Variants in MKRN1 observed in about 807,000 individuals in gnomAD.
MKRN1 encodes the protein E3 ubiquitin-protein ligase makorin-1.
MKRN1 carries 9 observed loss-of-function variants against 55.5 expected under a neutral mutation model. That is an observed-to-expected ratio of 0.16 (90% CI 0.10 to 0.28). The LOEUF is 0.28. MKRN1 is among the 10% of genes least tolerant of loss of function. The probability of loss-of-function intolerance (pLI) is 1.00; values close to 1 mark genes in which losing one functional copy is unlikely to be tolerated. For synonymous variants in MKRN1, 253 were observed against 235.9 expected, an observed-to-expected ratio of 1.07 and a Z score of -0.66; for missense variants, 488 against 626.7, an observed-to-expected ratio of 0.78 and a Z score of 2.36.
rs752963204 is a variant in MKRN1 at position 140,471,893 on chromosome 7, C to T, written c.304G>A (p.Asp102Asn). 3.1e-6 allele frequency: 5 copies of T among 1,612,494 alleles called. No homozygotes were observed. In the South Asian group the frequency reaches 5.5e-5, roughly 18 times the overall value. Residue 102 changes from aspartate to asparagine, a missense_variant, in exon 2 of 8, where the codon GAC (aspartate) becomes AAC (asparagine). By Grantham distance (23) the Asp-to-Asn change is conservative (BLOSUM62 1). Around this residue, in one of 2 missense-constraint regions of MKRN1, gnomAD observed 210 missense variants for 220.0 expected, o/e 0.95. Coordinates refer to ENST00000255977, the MANE Select transcript of MKRN1 (RefSeq NM_013446.4). The stretch of plus-strand genomic sequence containing the variant: ...TAAACAAATTCTTACCTGCAGCGGT[C>T]TCCATAAATACAGTACCCTCGCTGA... ...YFQRGYCIYG[D>N]RCRYEHSKPL...
chr7:140,454,609 C>T lies in MKRN1; in HGVS notation c.1357G>A (p.Ala453Thr), dbSNP rs1794415153. 1 of 1,613,950 alleles carries T rather than the reference C, an allele frequency of 6.2e-7. No individual in the cohort carries two copies. The highest frequency in any genetic ancestry group is 8.5e-7 in the Non-Finnish European group (1 of 1,179,870). The change falls in exon 8 of 8, where the codon GCT becomes ACT. Residue 453 changes from alanine (A) to threonine (T), a missense_variant. Ala to Thr is a moderately conservative substitution (Grantham distance 58). Transcript: ENST00000255977. The stretch of plus-strand genomic sequence containing the variant: ...GTTAGTTCGTCGTCCCCACCTGCAG[C>T]CAAAAGCATAAGCAACATCTCGCCC... ...ELGEMLLMLL[A>T]AGGDDELTDS...
At chr7:140,468,572 A>G (rs1794834484) in intron 2 of MKRN1, among the ~76,000 whole-genome samples, 1 of 151,888 alleles carries the variant, frequency 6.6e-6, no homozygotes, top group Admixed American at 6.6e-5. Context: ...GTGGTGGCAC[A>G]TGCCTGTAAT....
At chr7:140,456,474 T>TA in intron 5 of MKRN1, 178 bp downstream of exon 5, 1 of 1,429,830 alleles carries the variant, frequency 7.0e-7, no homozygotes. Flanking sequence ...TAAAAGTAGA[T>TA]AGACCAACTA....
At chr7:140,462,182 A>G (rs888238244) in intron 2 of MKRN1, among the ~76,000 whole-genome samples, 2 of 151,792 alleles carry the variant, frequency 1.3e-5, no homozygotes, top group Admixed American at 6.6e-5. Context: ...TGTGTGCCAC[A>G]ATGCTGGTCT....
chr7:140,458,416 A>G (rs1794527294), intron 4 of MKRN1, among the ~76,000 whole-genome samples: 1 of 152,230 alleles, frequency 6.6e-6, no homozygotes, highest in Non-Finnish European at 1.5e-5. Context: ...AAAGGACCAC[A>G]TTACAGGATT....
intron 2 of MKRN1, 32 bp downstream of exon 2, chr7:140,471,851 A>AC (rs753238796): frequency 6.2e-7 from 1 of 1,606,332 alleles, no homozygotes; most frequent in African/African-American, 1.3e-5. Context: ...CCTCCAACCC[A>AC]CCCCTGAACA....
rs35476052 is a variant in MKRN1 at position 140,477,098 on chromosome 7, C to CAAAA, written c.185+2058_185+2061dup. 8.5e-3 allele frequency among the ~76,000 whole-genome samples: 708 copies of CAAAA among 83,492 alleles called. 11 individuals are homozygous for CAAAA. The highest frequency in any genetic ancestry group is 0.024 in the African/African-American group (646 of 26,666). The allele number at this position is 83,492 out of a possible 152,430, so 54.8% of individuals were successfully genotyped here. A position where few individuals can be genotyped will look rare whatever the true frequency, so the allele number is the denominator to read the frequency against. ...GGGAAACAAGAGGGAAACTCTGTCT[C>CAAAA]AAAAAAAAAAAAAAAAAAATGATAG... On this transcript the variant is annotated intron_variant, in intron 1 of 7. Coordinates refer to ENST00000255977, the MANE Select transcript of MKRN1 (RefSeq NM_013446.4).
chr7:140,471,383 A>T (rs113270948), intron 2 of MKRN1, among the ~76,000 whole-genome samples: 5 of 152,154 alleles, frequency 3.3e-5, no homozygotes, highest in African/African-American at 4.8e-5. Context: ...TCTCAAAAAA[A>T]TAAATAAAAA....
chr7:140,474,411 C>T, intron 1 of MKRN1: 1 of 364,766 alleles, frequency 2.7e-6, no homozygotes, highest in Non-Finnish European at 5.6e-6. Context: ...GAGGCTGAGG[C>T]AGAATTGCTT....
chr7:140,464,278 C>T (rs1351970682), intron 2 of MKRN1, among the ~76,000 whole-genome samples: 7 of 152,154 alleles, frequency 4.6e-5, no homozygotes, highest in Non-Finnish European at 1.0e-4. Context: ...ATGGCTCCAG[C>T]CTATAATTCC....
At chr7:140,466,358 T>C (rs1339412070) in intron 2 of MKRN1, among the ~76,000 whole-genome samples, 2 of 152,124 alleles carry the variant, frequency 1.3e-5, no homozygotes, top group African/African-American at 2.4e-5. Context: ...GGCAGCTACA[T>C]CCTTATTAAA....
chr7:140,456,110 GTTC>G (rs1477335372), intron 5 of MKRN1: 4 of 875,440 alleles, frequency 4.6e-6, no homozygotes, highest in Non-Finnish European at 6.0e-6. Context: ...GGGCTAGCCA[GTTC>G]TTTTTTTTTT....
At chr7:140,471,473 A>AC (rs1425139223) in intron 2 of MKRN1, among the ~76,000 whole-genome samples, 1 of 152,020 alleles carries the variant, frequency 6.6e-6, no homozygotes, top group Non-Finnish European at 1.5e-5. Flanking sequence ...GAAAAGCCCT[A>AC]CCCAATTTTT....
chr7:140,464,957 ATTT>A (rs1171425136), intron 2 of MKRN1, among the ~76,000 whole-genome samples: 1 of 151,962 alleles, frequency 6.6e-6, no homozygotes, highest in Non-Finnish European at 1.5e-5. Context: ...CACCCAGCTA[ATTT>A]TTATTTTGTA....
At chr7:140,474,479 T>C (rs1397789648) in intron 1 of MKRN1, 1 of 316,068 alleles carries the variant, frequency 3.2e-6, no homozygotes, top group South Asian at 2.3e-5. Flanking sequence ...ATCACGCCAC[T>C]GAGACTCCGT....
intron 1 of MKRN1, 95 bp from the exon 2 acceptor site, chr7:140,472,106 TACAC>T (rs1794945754): frequency 1.3e-6 from 2 of 1,494,574 alleles, no homozygotes; most frequent in Non-Finnish European, 1.8e-6. Flanking sequence ...AACCAGTAAA[TACAC>T]AAACATACGA....
rs760531744 is a variant in MKRN1, at chr7:140,459,695, C to T, written c.544+12G>A. 1 of 1,611,436 alleles carries T rather than the reference C, an allele frequency of 6.2e-7. No individual in the cohort carries two copies. The highest frequency in any genetic ancestry group is 8.5e-7 in the Non-Finnish European group (1 of 1,177,608). On this transcript the variant is annotated intron_variant, in intron 3 of 7. Transcript: ENST00000255977. ...GCCCTCTAACTCTTATTTTCTTCTT[C>T]AGAATACTTACTACGGCCACAGTAG...
At chr7:140,474,005 A>AAAAAG (rs1336764327) in intron 1 of MKRN1, among the ~76,000 whole-genome samples, 27 of 65,662 alleles carry the variant, frequency 4.1e-4, no homozygotes, top group East Asian at 2.6e-3. Context: ...AAAAAAAAAA[A>AAAAAG]AAAGAAAGAA....
rs1244932987 is a variant in MKRN1 at position 140,453,738 on chromosome 7, T to C, written c.*779A>G. The C allele has an allele frequency of 6.6e-6, 1 of 152,608 alleles. No individual in the cohort carries two copies. The highest frequency in any genetic ancestry group is 1.9e-4 in the East Asian group (1 of 5,200). 9.5% of individuals were successfully genotyped at this position (152,608 alleles called of 1,614,324 possible). A position where few individuals can be genotyped will look rare whatever the true frequency, so the allele number is the denominator to read the frequency against. On this transcript the variant is annotated 3_prime_UTR_variant, in exon 8 of 8. Coordinates refer to ENST00000255977, the MANE Select transcript of MKRN1 (RefSeq NM_013446.4). ...GGCTTAAACCACTAAACCAGGTTTT[T>C]CTACTAAGGCTAAGAATACTGCATC...
Sources: gnomAD v4.1 joint callset for allele counts (sites outside exome capture counted in the v4.1 genomes callset) on GRCh38, gnomAD v4.1.1 for gene constraint, gnomAD v4.1.1 regional missense constraint, MANE v1.5 for transcripts, NCBI Gene and HGNC (gene_info 2026-07-23, HGNC 2026-07-21) for gene names.